LYRM4: variants seen among roughly 807,000 people sequenced by gnomAD.
The protein encoded by LYRM4 is LYR motif containing 4.
LYRM4 carries 9 observed loss-of-function variants against 11.7 expected under a neutral mutation model. The observed-to-expected ratio is 0.77, with a 90% confidence interval of 0.46 to 1.34. The LOEUF (loss-of-function observed/expected upper bound fraction) is 1.34. Among genes scored for constraint, LYRM4 ranks in the 40% most tolerant of loss-of-function variants. LYRM4 has a pLI of 0.00. For synonymous variants in LYRM4, 42 were observed against 40.4 expected (o/e 1.04, Z -0.15); for missense variants, 133 against 112.5 (o/e 1.18, Z -0.82).
intron 2 of LYRM4, among the ~76,000 whole-genome samples, chr6:5,115,818 G>A (rs1013485433): frequency 6.6e-6 from 1 of 152,098 alleles, no homozygotes; most frequent in Non-Finnish European, 1.5e-5. Context: ...AATGACATCA[G>A]GTCTTACAAT....
At chr6:5,153,573 G>T (rs1381180792) in intron 2 of LYRM4, among the ~76,000 whole-genome samples, 1 of 152,200 alleles carries the variant, frequency 6.6e-6, no homozygotes, top group Non-Finnish European at 1.5e-5. Context: ...TTTTGTGAAA[G>T]AGGCAATCAC....
chr6:5,121,272 G>T (rs1057200171), intron 2 of LYRM4, among the ~76,000 whole-genome samples: 1 of 152,146 alleles, frequency 6.6e-6, no homozygotes, highest in Non-Finnish European at 1.5e-5. Context: ...GGATGCTATC[G>T]CCTGCTACAC....
chr6:5,059,913 G>A, the LYRM4 span, among the ~76,000 whole-genome samples: 44 of 151,590 alleles, frequency 2.9e-4, no homozygotes, highest in African/African-American at 9.9e-4. Flanking sequence ...TGATCCTCCC[G>A]CCTCAGTCTT....
chr6:5,211,299 T>G (rs576361158), intron 2 of LYRM4, among the ~76,000 whole-genome samples: 10 of 152,250 alleles, frequency 6.6e-5, no homozygotes, highest in Admixed American at 3.3e-4. Flanking sequence ...TTTACTAGCT[T>G]CTAATTTCAC....
chr6:5,218,542 AAG>A, intron 1 of LYRM4: 2 of 211,650 alleles, frequency 9.4e-6, no homozygotes, highest in Non-Finnish European at 1.6e-5. Context: ...AGGAATCATA[AAG>A]GAGAAGGGAA....
At chr6:5,148,385 T>G (rs1757857016) in intron 2 of LYRM4, 1 of 65,616 alleles carries the variant, frequency 1.5e-5, no homozygotes, top group South Asian at 5.7e-4. Flanking sequence ...CAAGGCTATG[T>G]GACACCCACA....
chr6:5,048,576 C>A, the LYRM4 span, among the ~76,000 whole-genome samples: 1 of 152,170 alleles, frequency 6.6e-6, no homozygotes, highest in Non-Finnish European at 1.5e-5. Flanking sequence ...CCAGGCTGGT[C>A]TTGAACTCAA....
At chr6:5,095,377 G>A in the LYRM4 span, among the ~76,000 whole-genome samples, 17 of 152,164 alleles carry the variant, frequency 1.1e-4, no homozygotes, top group African/African-American at 3.9e-4. Context: ...AGAGGCTTCC[G>A]GTGCAACCAA....
chr6:5,049,953 C>G, the LYRM4 span, among the ~76,000 whole-genome samples: 22,865 of 152,254 alleles, frequency 0.15, 2,188 homozygotes, highest in African/African-American at 0.27. Flanking sequence ...CAGGCATAAG[C>G]CACCATGCCC....
chr6:5,249,576 G>A (rs951095482), intron 1 of LYRM4, among the ~76,000 whole-genome samples: 12 of 152,116 alleles, frequency 7.9e-5, no homozygotes, highest in Admixed American at 6.5e-5. Flanking sequence ...GAGAACCTAT[G>A]AAACCACACA....
chr6:5,232,334 G>C (rs1763290969), intron 1 of LYRM4, among the ~76,000 whole-genome samples: 1 of 152,206 alleles, frequency 6.6e-6, no homozygotes, highest in African/African-American at 2.4e-5. Context: ...GGACAGCCCA[G>C]CTGTGGAAAT....
At chr6:5,052,199 A>C in the LYRM4 span, among the ~76,000 whole-genome samples, 1 of 152,134 alleles carries the variant, frequency 6.6e-6, no homozygotes, top group Non-Finnish European at 1.5e-5. Context: ...TCTCTGGCAA[A>C]AGTAAATATA....
At chr6:5,064,695 G>A in the LYRM4 span, among the ~76,000 whole-genome samples, 22 of 152,234 alleles carry the variant, frequency 1.4e-4, no homozygotes, top group African/African-American at 5.3e-4. Context: ...GCGAACCATT[G>A]TGGCTAGCCT....
At chr6:5,080,865 T>G in the LYRM4 span, among the ~76,000 whole-genome samples, 1 of 152,162 alleles carries the variant, frequency 6.6e-6, no homozygotes, top group Non-Finnish European at 1.5e-5. Flanking sequence ...ACTCCAGACC[T>G]GGTGATCAGA....
chr6:5,122,227 G>C (rs1763489577), intron 2 of LYRM4, among the ~76,000 whole-genome samples: 1 of 152,176 alleles, frequency 6.6e-6, no homozygotes, highest in South Asian at 2.1e-4. Flanking sequence ...ATGACTGCCA[G>C]CACCCTGCTT....
At chr6:5,086,457 G>C in the LYRM4 span, 2 of 1,536,798 alleles carry the variant, frequency 1.3e-6, no homozygotes, top group African/African-American at 1.4e-5. Flanking sequence ...GCGGCGTCGC[G>C]GTCCACTTCG....
the LYRM4 span, among the ~76,000 whole-genome samples, chr6:5,039,235 T>C: frequency 6.6e-6 from 1 of 152,190 alleles, no homozygotes; most frequent in African/African-American, 2.4e-5. Context: ...CTATTAGTAT[T>C]GTTTTGTCTT....
chr6:5,255,080 A>G (rs1764605312), intron 1 of LYRM4, among the ~76,000 whole-genome samples: 1 of 152,150 alleles, frequency 6.6e-6, no homozygotes, highest in Non-Finnish European at 1.5e-5. Context: ...TGCTGACCAC[A>G]GCTACCTTCC....
intron 1 of LYRM4, among the ~76,000 whole-genome samples, chr6:5,220,392 T>C (rs924628301): frequency 1.3e-5 from 2 of 152,232 alleles, no homozygotes; most frequent in African/African-American, 4.8e-5. Context: ...TCTCAAGTGC[T>C]GGTTTCTCTG....
Sources: allele counts gnomAD v4.1 joint callset (sites outside exome capture counted in the v4.1 genomes callset), GRCh38; gene constraint gnomAD v4.1.1; transcripts MANE v1.5; gene names NCBI Gene and HGNC (gene_info 2026-07-23, HGNC 2026-07-21).